The following ROBO2 variants were observed in gnomAD, a reference collection of about 807,000 sequenced individuals.
ROBO2 encodes the protein roundabout homolog 2.
ROBO2 carries 53 observed loss-of-function variants against 160.8 expected under a neutral mutation model. That is an observed-to-expected ratio of 0.33 (90% CI 0.26 to 0.41). The LOEUF (loss-of-function observed/expected upper bound fraction) is 0.41. ROBO2 is among the 10% of genes least tolerant of loss of function. ROBO2 has a pLI of 1.00. For synonymous variants in ROBO2, 664 were observed against 611.7 expected (o/e 1.09, Z -1.26); for missense variants, 1,577 against 1,722.4 (o/e 0.92, Z 1.49).
chr3:76,695,380 A>T (rs551339918), intron 2 of ROBO2, among the ~76,000 whole-genome samples: 1 of 152,178 alleles, frequency 6.6e-6, no homozygotes, highest in African/African-American at 2.4e-5. Flanking sequence ...GGCCGTCTTC[A>T]TAAGTAATTA....
chr3:76,590,485 C>T (rs906274489), intron 2 of ROBO2, among the ~76,000 whole-genome samples: 1 of 152,106 alleles, frequency 6.6e-6, no homozygotes, highest in Non-Finnish European at 1.5e-5. Context: ...ACATTTTAGA[C>T]AGCAACACAT....
chr3:77,044,647 A>G (rs2064455649), intron 1 of ROBO2, among the ~76,000 whole-genome samples: 1 of 152,164 alleles, frequency 6.6e-6, no homozygotes, highest in African/African-American at 2.4e-5. Flanking sequence ...GAAAATCTGC[A>G]TTTAAAGGAA....
chr3:76,234,787 C>G (rs1305957405), intron 2 of ROBO2, among the ~76,000 whole-genome samples: 1 of 152,062 alleles, frequency 6.6e-6, no homozygotes, highest in East Asian at 1.9e-4. Context: ...CACAAGTGAC[C>G]CCTTTGTTCT....
chr3:76,621,460 G>A (rs747539718), intron 2 of ROBO2, among the ~76,000 whole-genome samples: 2 of 152,194 alleles, frequency 1.3e-5, no homozygotes, highest in Non-Finnish European at 2.9e-5. Flanking sequence ...GCCAAGAATG[G>A]TGAATAGCTC....
intron 2 of ROBO2, among the ~76,000 whole-genome samples, chr3:76,812,583 T>A (rs543509780): frequency 6.6e-6 from 1 of 152,166 alleles, no homozygotes; most frequent in African/African-American, 2.4e-5. Context: ...CTTTCTGGAT[T>A]ACAATCAATT....
Position 76,133,819 on chromosome 3 carries a change from G to A in ROBO2, c.109+196217G>A, listed in dbSNP as rs565262778. ...TAGCTGTACTGGCAGCTGATTAGGCGGTGCCCACCCAGATCGAGGGTGGAT... is the reference window on the plus strand; with the variant it reads ...TAGCTGTACTGGCAGCTGATTAGGCAGTGCCCACCCAGATCGAGGGTGGAT... On this transcript the variant is annotated intron_variant, in intron 2 of 26. Transcript: ENST00000487694. Among the ~76,000 whole-genome samples the A allele has an allele frequency of 3.0e-4, 45 of 152,066 alleles. 1 individual carries two copies. The highest frequency in any genetic ancestry group is 1.9e-3 in the South Asian group (9 of 4,814).
At chr3:76,091,493 A>G (rs2069234503) in intron 2 of ROBO2, among the ~76,000 whole-genome samples, 1 of 152,206 alleles carries the variant, frequency 6.6e-6, no homozygotes, top group African/African-American at 2.4e-5. Context: ...ACAAAGTGGT[A>G]CAGCCGCTTT....
intron 5 of ROBO2, among the ~76,000 whole-genome samples, chr3:77,500,054 T>C (rs1216174610): frequency 6.6e-6 from 1 of 152,218 alleles, no homozygotes; most frequent in Non-Finnish European, 1.5e-5. Context: ...CTCCTGGTAT[T>C]GTGTGCCACC....
At chr3:76,586,495 CAT>C (rs2086047851) in intron 2 of ROBO2, among the ~76,000 whole-genome samples, 1 of 152,114 alleles carries the variant, frequency 6.6e-6, no homozygotes, top group Admixed American at 6.5e-5. Flanking sequence ...ATGTAAGACA[CAT>C]ATATAACTTG....
intron 2 of ROBO2, among the ~76,000 whole-genome samples, chr3:76,257,722 G>T (rs537264197): frequency 6.6e-6 from 1 of 150,946 alleles, no homozygotes; most frequent in East Asian, 2.0e-4. Flanking sequence ...ACTGCATACA[G>T]TTATTTCTGT....
exon 22 of ROBO2, chr3:77,617,585 G>A (rs765607799): frequency 1.2e-6 from 2 of 1,614,158 alleles, no homozygotes; most frequent in Non-Finnish European, 1.7e-6. Flanking sequence ...AAGATGAACT[G>A]GAAGAAGATG....
rs373666122 is a variant in ROBO2, at chr3:76,035,558, G to A, written c.109+97956G>A. On this transcript the variant is annotated intron_variant, in intron 2 of 26. Coordinates refer to the ROBO2 transcript ENST00000487694. ...ATAAAATAACCAGCAGACTGTTTAA[G>A]AGCCACCAGCAACTCCAATTTTTCT... Among the ~76,000 whole-genome samples, 18 of 151,950 alleles carry A rather than the reference G, an allele frequency of 1.2e-4. 2 individuals carry two copies. Among genetic ancestry groups the A allele is most frequent in the African/African-American group, 4.4e-4 (18 of 41,248 alleles).
intron 2 of ROBO2, among the ~76,000 whole-genome samples, chr3:77,169,549 A>G (rs1266150295): frequency 6.6e-6 from 1 of 152,168 alleles, no homozygotes; most frequent in Non-Finnish European, 1.5e-5. Context: ...ATGCAAGTAT[A>G]TACTGTTAAA....
intron 2 of ROBO2, among the ~76,000 whole-genome samples, chr3:76,140,372 T>C (rs1344534973): frequency 1.3e-5 from 2 of 152,052 alleles, no homozygotes; most frequent in African/African-American, 2.4e-5. Flanking sequence ...AGGATAATAA[T>C]AGCTAGGGTA....
At chr3:77,501,759 AT>A (rs1312544090) in intron 5 of ROBO2, among the ~76,000 whole-genome samples, 1 of 152,192 alleles carries the variant, frequency 6.6e-6, no homozygotes, top group African/African-American at 2.4e-5. Flanking sequence ...AAAGAAGAAA[AT>A]TAATATTACC....
intron 2 of ROBO2, among the ~76,000 whole-genome samples, chr3:76,047,247 C>T (rs1174739671): frequency 6.6e-6 from 1 of 152,068 alleles, no homozygotes; most frequent in Non-Finnish European, 1.5e-5. Flanking sequence ...AAAGGTTGAA[C>T]TTGTGGACTA....
At chr3:76,817,676 CCATTGTAT>C (rs1353699105) in intron 2 of ROBO2, among the ~76,000 whole-genome samples, 2 of 151,966 alleles carry the variant, frequency 1.3e-5, no homozygotes, top group Admixed American at 1.3e-4. Context: ...TCCCCAAAGT[CCATTGTAT>C]CATTCTTATG....
At chr3:77,269,469 C>T (rs1935707724) in intron 2 of ROBO2, among the ~76,000 whole-genome samples, 1 of 152,138 alleles carries the variant, frequency 6.6e-6, no homozygotes, top group Admixed American at 6.5e-5. Context: ...TTGGATTTGG[C>T]GTTCCTAGCA....
intron 2 of ROBO2, among the ~76,000 whole-genome samples, chr3:76,402,790 T>C (rs2077912218): frequency 6.6e-6 from 1 of 151,666 alleles, no homozygotes. Flanking sequence ...TTTGAATTTC[T>C]CTGATGCAGT....
Sources: gnomAD v4.1 joint callset for allele counts (sites outside exome capture counted in the v4.1 genomes callset) on GRCh38, gnomAD v4.1.1 for gene constraint, MANE v1.5 for transcripts, NCBI Gene and HGNC (gene_info 2026-07-23, HGNC 2026-07-21) for gene names.